The following ANKRD53 variants were observed in gnomAD, a reference collection of about 807,000 sequenced individuals.
ANKRD53 encodes ankyrin repeat domain 53.
Under a neutral mutation model 30.1 loss-of-function variants are expected in ANKRD53, and 27 were observed. That is an observed-to-expected ratio of 0.90 (90% CI 0.66 to 1.24). The LOEUF (loss-of-function observed/expected upper bound fraction) is 1.24, where lower values mean the gene tolerates loss of function less well. Ranked by LOEUF, ANKRD53 falls within the 50% of genes most tolerant of loss-of-function variation. The pLI is 0.00. For synonymous variants in ANKRD53, 286 were observed against 295.4 expected (o/e 0.97, Z 0.33); for missense variants, 682 against 721.0 (o/e 0.95, Z 0.62).
At chr2:70,984,070 C>T in intron 5 of ANKRD53, 1 of 1,554,804 alleles carries the variant, frequency 6.4e-7, no homozygotes, top group Non-Finnish European at 8.9e-7. Flanking sequence ...CCACCACTTC[C>T]AAGAAGCGTG....
chr2:70,983,918 A>G (rs1043614451), intron 5 of ANKRD53, among the ~76,000 whole-genome samples: 6 of 152,176 alleles, frequency 3.9e-5, no homozygotes, highest in African/African-American at 1.4e-4. Context: ...ACAGTCTGGG[A>G]TAGTGAGACA....
Position 70,978,925 on chromosome 2 carries a change from G to T in ANKRD53, c.170+110G>T. On this transcript the variant is annotated intron_variant, in intron 1 of 5. Transcript: ENST00000360589. The surrounding 1 kb of genome is among the most constrained non-coding windows in gnomAD (Gnocchi z 4.3). ...GGGGGCGGAGGCTGCGGCCCGAGAA[G>T]CCAGCAGAGACAGGCTGGGGCCAGG... is the stretch of plus-strand genomic sequence containing the variant. The T allele has an allele frequency of 4.8e-6, 7 of 1,450,616 alleles. No homozygotes were observed. The highest frequency in any genetic ancestry group is 6.4e-6 in the Non-Finnish European group (7 of 1,098,540). 89.9% of individuals were successfully genotyped at this position (1,450,616 alleles called of 1,614,324 possible).
At position 70,984,751 on chromosome 2, in the gene ANKRD53, G is replaced by C. The variant is rs1457503490; in HGVS notation, c.1044G>C (p.Gln348His). The C allele has an allele frequency of 6.3e-7, 1 of 1,590,438 alleles. No individual in the cohort carries two copies. Among genetic ancestry groups the C allele is most frequent in the African/African-American group, 1.3e-5 (1 of 74,346 alleles). The change falls in exon 6 of 6, where the codon CAG (glutamine) becomes CAC (histidine). Residue 348 changes from glutamine (Q) to histidine (H), a missense_variant. Transcript: ENST00000360589. ...LSKTPEQRES[Q>H]RSRSFHPSVD... ...AGACCCCAGAGCAACGGGAATCGCA[G>C]CGTTCCAGGAGCTTCCACCCCTCTG...
At chr2:70,981,256 A>C (rs993841306) in intron 3 of ANKRD53, among the ~76,000 whole-genome samples, 5 of 152,244 alleles carry the variant, frequency 3.3e-5, no homozygotes, top group Admixed American at 1.3e-4. Context: ...CCCTCTCCTC[A>C]CGAAGCTGAC....
At chr2:70,981,104 T>A (rs977089825) in intron 3 of ANKRD53, among the ~76,000 whole-genome samples, 3 of 152,198 alleles carry the variant, frequency 2.0e-5, no homozygotes, top group Non-Finnish European at 2.9e-5. Context: ...TGTCTTCAAC[T>A]GAAACTTGGG....
chr2:70,982,737 C>T lies in ANKRD53; in HGVS notation c.903+40C>T. ...AGGGGGGCCAGGGGACAGCTGCTATCCAGGCATGTGAGCAGAGGGGGCAGT... is the reference window on the plus strand; with the variant it reads ...AGGGGGGCCAGGGGACAGCTGCTATTCAGGCATGTGAGCAGAGGGGGCAGT... On this transcript the variant is annotated intron_variant, in intron 5 of 5. Transcript: ENST00000360589. This position sits in a 1 kb window ranked among gnomAD's most constrained non-coding sequence, Gnocchi z 4.2. 1.2e-6 allele frequency: 2 copies of T among 1,608,212 alleles called. No individual in the cohort carries two copies. Among genetic ancestry groups the T allele is most frequent in the Non-Finnish European group, 1.7e-6 (2 of 1,176,682 alleles).
chr2:70,985,121 C>T lies in ANKRD53; in HGVS notation c.1414C>T (p.Gln472Ter). The T allele has an allele frequency of 6.4e-7, 1 of 1,551,222 alleles. No homozygotes were observed. Among genetic ancestry groups the T allele is most frequent in the East Asian group, 2.4e-5 (1 of 40,910 alleles). Reference sequence around the variant, plus strand: ...ATGGCCATACAGAATGAAGGTGCCCCAGGGCTTTTACCCCATCAGCATGAG... The same window carrying T: ...ATGGCCATACAGAATGAAGGTGCCCTAGGGCTTTTACCCCATCAGCATGAG... Reference protein sequence around the residue: ...RVWPYRMKVPQGFYPISMREV... With the variant: ...RVWPYRMKVP The change falls in exon 6 of 6, where the codon CAG (glutamine) becomes TAG (stop). Residue 472 changes from glutamine to a stop codon, truncating the protein, a stop_gained. Transcript: ENST00000360589. LOFTEE classifies it low-confidence loss of function (END_TRUNC).
At position 70,979,708 on chromosome 2, in the gene ANKRD53, C is replaced by A; in HGVS notation, c.465C>A (p.Cys155Ter). 6.2e-7 allele frequency: 1 copy of A among 1,614,222 alleles called. No individual in the cohort carries two copies. The highest frequency in any genetic ancestry group is 2.2e-5 in the East Asian group (1 of 44,884). Residue 155 changes from cysteine (C) to a stop codon, truncating the protein, a stop_gained, in exon 3 of 6, where the codon TGC becomes TGA. Coordinates refer to ENST00000360589, the MANE Select transcript of ANKRD53 (RefSeq NM_001115116.2). LOFTEE classifies it high-confidence loss of function. ...HFAAQWGKLA[C>*]LQVLVEEYKF... Reference sequence around the variant, plus strand: ...CCGCCCAATGGGGCAAGCTTGCATGCCTGCAGGTCCTGGTAGAGGAGTACA... The same window carrying A: ...CCGCCCAATGGGGCAAGCTTGCATGACTGCAGGTCCTGGTAGAGGAGTACA...
Position 70,985,134 on chromosome 2 carries a change from C to A in ANKRD53, c.1427C>A (p.Pro476His), listed in dbSNP as rs780587806. The A allele has an allele frequency of 2.9e-5, 45 of 1,551,110 alleles. No individual in the cohort carries two copies. Among genetic ancestry groups the A allele is most frequent in the Non-Finnish European group, 3.8e-5 (44 of 1,146,944 alleles). Residue 476 changes from proline (P) to histidine (H), a missense_variant, in exon 6 of 6, where the codon CCC becomes CAC. By Grantham distance (77) the Pro-to-His change is moderately conservative. Coordinates refer to ENST00000360589, the MANE Select transcript of ANKRD53 (RefSeq NM_001115116.2). ...YRMKVPQGFY[P>H]ISMREVPRKR... ...ATGAAGGTGCCCCAGGGCTTTTACC[C>A]CATCAGCATGAGGGAAGTGCCCAGG...
At chr2:70,978,568 A>T, upstream of ANKRD53, 1 of 1,392,722 alleles carries the variant, frequency 7.2e-7, no homozygotes, top group South Asian at 1.6e-5. The surrounding 1 kb of genome is among the most constrained non-coding windows in gnomAD (Gnocchi z 4.3). Context: ...CCAGCTGGCA[A>T]GGAGTGGCCC....
In ANKRD53 at chr2:70,982,206, G is replaced by A; in HGVS notation, c.782+106G>A. 1 of 1,341,110 alleles carries A rather than the reference G, an allele frequency of 7.5e-7. No individual in the cohort carries two copies. The highest frequency in any genetic ancestry group is 1.0e-6 in the Non-Finnish European group (1 of 998,108). 83.1% of individuals were successfully genotyped at this position (1,341,110 alleles called of 1,614,324 possible). On this transcript the variant is annotated intron_variant, in intron 4 of 5. Transcript: ENST00000360589. This position sits in a 1 kb window ranked among gnomAD's most constrained non-coding sequence, Gnocchi z 4.2. ...GAGCCTTTAAGGGGAGGGTTGGGAAGCCAGACAGCTGGAGGATGCGCCTAC... is the reference window on the plus strand; with the variant it reads ...GAGCCTTTAAGGGGAGGGTTGGGAAACCAGACAGCTGGAGGATGCGCCTAC...
chr2:70,982,682 C>T lies in ANKRD53; in HGVS notation c.888C>T (p.Tyr296=), dbSNP rs781851430. 1 of 1,614,028 alleles carries T rather than the reference C, an allele frequency of 6.2e-7. No individual in the cohort carries two copies. The highest frequency in any genetic ancestry group is 1.1e-5 in the South Asian group (1 of 91,078). The part of the protein sequence containing the change: ...KSQLTLMEHN[Y]LIEYQKEHKI... The stretch of plus-strand genomic sequence containing the variant: ...AGCTGACCCTCATGGAGCACAACTA[C>T]CTGATTGAGTATCAAGTAAGGGGGA... The change falls in exon 5 of 6, where the codon TAC becomes TAT. Residue 296 remains tyrosine, a synonymous_variant. Transcript: ENST00000360589. The surrounding 1 kb of genome is among the most constrained non-coding windows in gnomAD (Gnocchi z 4.2).
Position 70,981,973 on chromosome 2 carries a change from G to T in ANKRD53, c.655G>T (p.Ala219Ser), listed in dbSNP as rs782166692. Residue 219 changes from alanine to serine, a missense_variant, in exon 4 of 6, where the codon GCC becomes TCC. Coordinates refer to ENST00000360589, the MANE Select transcript of ANKRD53 (RefSeq NM_001115116.2). ...CNGSTPLHLA[A>S]RDGLLDCVKV... ...CGGCTCCACGCCCCTGCACCTGGCA[G>T]CCCGTGACGGCTTGCTGGACTGTGT... The T allele has an allele frequency of 4.0e-5, 64 of 1,609,722 alleles. No individual in the cohort carries two copies. Among genetic ancestry groups the T allele is most frequent in the Admixed American group, 3.0e-4 (18 of 59,530 alleles).
Position 70,984,956 on chromosome 2 carries a change from GAGCACGACTTC to G in ANKRD53, c.1254_1264del (p.His418GlnfsTer8). 1 of 1,550,250 alleles carries G rather than the reference GAGCACGACTTC, an allele frequency of 6.5e-7. No individual in the cohort carries two copies. Among genetic ancestry groups the G allele is most frequent in the Non-Finnish European group, 8.7e-7 (1 of 1,146,700 alleles). On this transcript the variant is annotated frameshift_variant, in exon 6 of 6. Transcript: ENST00000360589. LOFTEE classifies it low-confidence loss of function (END_TRUNC). ...GGGCGTGCATCCAGACCCCACTCCGGAGCACGACTTCAGCAGCTTCCTGGAGGTGAGGCCTG... is the reference window on the plus strand; with the variant it reads ...GGGCGTGCATCCAGACCCCACTCCGGAGCAGCTTCCTGGAGGTGAGGCCTG...
At position 70,985,140 on chromosome 2, in the gene ANKRD53, G is replaced by A. The variant is rs1284542776; in HGVS notation, c.1433G>A (p.Ser478Asn). ...GTGCCCCAGGGCTTTTACCCCATCA[G>A]CATGAGGGAAGTGCCCAGGAAGCGG... ...MKVPQGFYPISMREVPRKRHL... is the reference protein window; with the variant it reads ...MKVPQGFYPINMREVPRKRHL... The change falls in exon 6 of 6, where the codon AGC becomes AAC. Residue 478 changes from serine to asparagine, a missense_variant. Ser to Asn is a conservative substitution (Grantham distance 46). Transcript: ENST00000360589. The A allele has an allele frequency of 4.5e-6, 7 of 1,551,196 alleles. No individual in the cohort carries two copies. The highest frequency in any genetic ancestry group is 2.0e-5 in the Admixed American group (1 of 50,980).
At position 70,978,658 on chromosome 2, in the gene ANKRD53, G is replaced by A. The variant is rs1310760609; in HGVS notation, c.13G>A (p.Gly5Ser). Reference protein sequence around the residue: MASAGSTARRAGSGS... With the variant: MASASSTARRAGSGS... ...TTCCAGCCCCGCGATGGCCTCCGCGGGCAGCACCGCTCGGCGGGCGGGCTC... is the reference window on the plus strand; with the variant it reads ...TTCCAGCCCCGCGATGGCCTCCGCGAGCAGCACCGCTCGGCGGGCGGGCTC... Residue 5 changes from glycine to serine, a missense_variant, in exon 1 of 6, where the codon GGC becomes AGC. Coordinates refer to ENST00000360589, the MANE Select transcript of ANKRD53 (RefSeq NM_001115116.2). The surrounding 1 kb of genome is among the most constrained non-coding windows in gnomAD (Gnocchi z 4.3). 2 of 1,541,156 alleles carry A rather than the reference G, an allele frequency of 1.3e-6. No homozygotes were observed. The highest frequency in any genetic ancestry group is 1.7e-6 in the Non-Finnish European group (2 of 1,144,106).
chr2:70,979,905 G>A lies in ANKRD53; in HGVS notation c.617+45G>A, dbSNP rs375360960. 147 of 1,608,976 alleles carry A rather than the reference G, an allele frequency of 9.1e-5. No individual in the cohort carries two copies. In the African/African-American group the frequency reaches 1.5e-3, roughly 16 times the overall value. On this transcript the variant is annotated intron_variant, in intron 3 of 5. Coordinates refer to ENST00000360589, the MANE Select transcript of ANKRD53 (RefSeq NM_001115116.2). ...GGAGGGAGGCTTCGGGCACAGGCAC[G>A]GGCACAGCCCTACTTCCAGGCAGGC...
chr2:70,984,034 A>G (rs1670093426), intron 5 of ANKRD53: 1 of 1,280,552 alleles, frequency 7.8e-7, no homozygotes. Context: ...AGCCAACTGT[A>G]TCCTCCCTAC....
Position 70,979,782 on chromosome 2 carries a change from T to G in ANKRD53, c.539T>G (p.Leu180Arg). The change falls in exon 3 of 6, where the codon CTC becomes CGC. Residue 180 changes from leucine to arginine, a missense_variant. Coordinates refer to ENST00000360589, the MANE Select transcript of ANKRD53 (RefSeq NM_001115116.2). ...LTNNSQTPLH[L>R]VIHRDNTTVA... ...AACAATAGCCAGACACCCCTGCACC[T>G]CGTCATCCACAGGGACAACACCACC... The G allele has an allele frequency of 6.2e-7, 1 of 1,614,184 alleles. No individual in the cohort carries two copies. The highest frequency in any genetic ancestry group is 8.5e-7 in the Non-Finnish European group (1 of 1,180,030).
Sources: allele counts gnomAD v4.1 joint callset (sites outside exome capture counted in the v4.1 genomes callset), GRCh38; gene constraint gnomAD v4.1.1; non-coding constraint Gnocchi (gnomAD v3.1); transcripts MANE v1.5; gene names NCBI Gene and HGNC (gene_info 2026-07-23, HGNC 2026-07-21).